Variants in TSNARE1 observed in about 807,000 individuals in gnomAD.
The protein encoded by TSNARE1 is t-SNARE domain containing 1.
Under a neutral mutation model 62.0 loss-of-function variants are expected in TSNARE1, and 49 were observed. The ratio of observed to expected loss-of-function variants is 0.79; its 90% CI spans 0.63 to 1.00. The LOEUF is 1.00. Among genes scored for constraint, TSNARE1 ranks in the 50% least tolerant of loss-of-function variants. The pLI is 0.00. For synonymous variants in TSNARE1, 328 were observed against 294.4 expected (o/e 1.11, Z -1.17); for missense variants, 755 against 700.1 (o/e 1.08, Z -0.88).
At chr8:142,318,391 T>G (rs4514123) in intron 7 of TSNARE1, among the ~76,000 whole-genome samples, 153 bp downstream of exon 7, 1 of 152,012 alleles carries the variant, frequency 6.6e-6, no homozygotes, top group African/African-American at 2.4e-5. Context: ...TTCTGAGCCA[T>G]GGAGCCATGG....
rs1023844215 is a variant in TSNARE1 at position 142,329,116 on chromosome 8, T to C, written c.893+1785A>G. On this transcript the variant is annotated intron_variant, in intron 6 of 13. Transcript: ENST00000524325. Reference sequence around the variant, plus strand: ...CTGGCAACCACGTTGGTCTCAAAAGTTATTTTTAAATGTTAACAGTCCATG... The same window carrying C: ...CTGGCAACCACGTTGGTCTCAAAAGCTATTTTTAAATGTTAACAGTCCATG... Among the ~76,000 whole-genome samples, 6 of 152,188 alleles carry C rather than the reference T, an allele frequency of 3.9e-5. No homozygotes were observed. In the East Asian group the frequency reaches 1.2e-3, roughly 29 times the overall value.
chr8:142,382,923 G>C (rs925925635), intron 1 of TSNARE1, among the ~76,000 whole-genome samples: 3 of 152,176 alleles, frequency 2.0e-5, no homozygotes, highest in Admixed American at 6.5e-5. Context: ...GTGAGGGCCC[G>C]AAGTGCAGGC....
chr8:142,372,237 G>A (rs1835966864), intron 1 of TSNARE1, among the ~76,000 whole-genome samples: 1 of 152,230 alleles, frequency 6.6e-6, no homozygotes. Flanking sequence ...CAGCACGACA[G>A]ACAGAGGATG....
In TSNARE1 at chr8:142,244,561, A is replaced by G. The variant is rs919259441; in HGVS notation, c.1447-14982T>C. On this transcript the variant is annotated intron_variant, in intron 12 of 13. Transcript: ENST00000524325. ...CTGACCACATTGATCCACAGATTCC[A>G]TGCAATGCCAATAAGAATGCTAACA... is the stretch of plus-strand genomic sequence containing the variant. Among the ~76,000 whole-genome samples the G allele has an allele frequency of 3.9e-5, 6 of 152,264 alleles. 1 individual carries two copies. In the South Asian group the frequency reaches 1.2e-3, roughly 31 times the overall value.
chr8:142,314,971 G>A (rs1295626955), intron 8 of TSNARE1, 32 bp downstream of exon 8: 2 of 1,609,132 alleles, frequency 1.2e-6, no homozygotes, highest in African/African-American at 2.7e-5. Flanking sequence ...CACCTGGCCT[G>A]CAGACCCCCA....
chr8:142,233,750 G>A (rs1461727948), intron 12 of TSNARE1, among the ~76,000 whole-genome samples: 3 of 152,150 alleles, frequency 2.0e-5, no homozygotes, highest in Non-Finnish European at 4.4e-5. Context: ...CAGGGCGTAC[G>A]CAAGGGCTCT....
intron 4 of TSNARE1, among the ~76,000 whole-genome samples, chr8:142,342,875 G>C (rs1353868595): frequency 6.7e-6 from 1 of 150,242 alleles, no homozygotes; most frequent in Admixed American, 6.6e-5. Flanking sequence ...CCGGACACCT[G>C]TCCCAGCACC....
At chr8:142,352,302 C>T (rs62513806) in intron 2 of TSNARE1, among the ~76,000 whole-genome samples, 4,245 of 152,366 alleles carry the variant, frequency 0.028, 87 homozygotes, top group Admixed American at 0.042. Context: ...CATTCATTAT[C>T]AGAGAAACAT....
chr8:142,240,525 T>C lies in TSNARE1; in HGVS notation c.1447-10946A>G, dbSNP rs76458169. 8.7e-3 allele frequency among the ~76,000 whole-genome samples: 1,327 copies of C among 152,276 alleles called. 24 individuals carry two copies. Among genetic ancestry groups the C allele is most frequent in the African/African-American group, 0.03 (1,243 of 41,558 alleles). ...TGAGGGACACTAATATAACTTTCCA[T>C]GCACTAATTAAAGAATGCACATTCT... On this transcript the variant is annotated intron_variant, in intron 12 of 13. Transcript: ENST00000524325.
chr8:142,300,091 CAA>C (rs975356446), intron 10 of TSNARE1: 6 of 162,956 alleles, frequency 3.7e-5, no homozygotes, highest in African/African-American at 1.4e-4. Flanking sequence ...TTCAACCTTT[CAA>C]AAAAAAGTTA....
chr8:142,382,330 C>T (rs538997972), intron 1 of TSNARE1, among the ~76,000 whole-genome samples: 20 of 152,192 alleles, frequency 1.3e-4, no homozygotes, highest in Non-Finnish European at 2.9e-4. Context: ...CGATCGCTAA[C>T]GGCACAAATG....
At chr8:142,382,276 A>C (rs1160673264) in intron 1 of TSNARE1, among the ~76,000 whole-genome samples, 1 of 152,154 alleles carries the variant, frequency 6.6e-6, no homozygotes, top group Non-Finnish European at 1.5e-5. Context: ...GGGCACCCCC[A>C]GGCACCTCGT....
chr8:142,267,183 C>T (rs1171825645), intron 12 of TSNARE1, among the ~76,000 whole-genome samples: 1 of 152,216 alleles, frequency 6.6e-6, no homozygotes, highest in Non-Finnish European at 1.5e-5. Flanking sequence ...GGTTTTCCCT[C>T]AACGGCTTTC....
intron 11 of TSNARE1, chr8:142,275,090 G>C: frequency 1.0e-6 from 1 of 985,376 alleles, no homozygotes; most frequent in Non-Finnish European, 1.2e-6. Context: ...CCAGGGAAGG[G>C]GACTCCTCAG....
chr8:142,245,352 A>G (rs906623273), intron 12 of TSNARE1, among the ~76,000 whole-genome samples: 3 of 147,062 alleles, frequency 2.0e-5, no homozygotes, highest in African/African-American at 8.1e-5. Flanking sequence ...TCGTCAGAGC[A>G]GCAGCCGACA....
At chr8:142,403,342 GC>G (rs1425867250), upstream of TSNARE1, 1 of 152,008 alleles carries the variant, frequency 6.6e-6, no homozygotes, top group Non-Finnish European at 1.5e-5. Context: ...CTGCGGGTGC[GC>G]GCGCGAGTCG....
At chr8:142,364,781 A>G (rs1459777732) in intron 1 of TSNARE1, among the ~76,000 whole-genome samples, 2 of 152,222 alleles carry the variant, frequency 1.3e-5, no homozygotes, top group Non-Finnish European at 2.9e-5. Flanking sequence ...AAATAATGAT[A>G]AGAATTGTGT....
At chr8:142,331,264 G>A (rs1294332846) in intron 5 of TSNARE1, among the ~76,000 whole-genome samples, 1 of 152,228 alleles carries the variant, frequency 6.6e-6, no homozygotes, top group East Asian at 1.9e-4. Flanking sequence ...TCTGGGGACA[G>A]CTTCTCTCCA....
intron 7 of TSNARE1, among the ~76,000 whole-genome samples, chr8:142,317,192 T>G (rs190050199): frequency 6.8e-6 from 1 of 147,316 alleles, no homozygotes; most frequent in African/African-American, 2.6e-5. Context: ...GAAGCGGGTA[T>G]GGCCAGCGGC....
Sources: allele counts gnomAD v4.1 joint callset (sites outside exome capture counted in the v4.1 genomes callset), GRCh38; gene constraint gnomAD v4.1.1; transcripts MANE v1.5; gene names NCBI Gene and HGNC (gene_info 2026-07-23, HGNC 2026-07-21).